The following COQ8A variants were observed in gnomAD, a reference collection of about 807,000 sequenced individuals.
The protein encoded by COQ8A is atypical kinase COQ8A, mitochondrial.
COQ8A carries 51 observed loss-of-function variants against 65.0 expected under a neutral mutation model. The ratio of observed to expected loss-of-function variants is 0.78; its 90% CI spans 0.63 to 0.99. COQ8A has a LOEUF of 0.99. Among genes scored for constraint, COQ8A ranks in the 50% least tolerant of loss-of-function variants. The pLI is 0.00. For synonymous variants in COQ8A, 371 were observed against 353.2 expected (o/e 1.05, Z -0.57); for missense variants, 940 against 875.0 (o/e 1.07, Z -0.94).
intron 2 of COQ8A, among the ~76,000 whole-genome samples, chr1:226,963,640 C>T (rs1658385244): frequency 6.6e-6 from 1 of 151,968 alleles, no homozygotes; most frequent in Non-Finnish European, 1.5e-5. Flanking sequence ...AGTCTTGCTC[C>T]ATTGCTCAGG....
chr1:226,984,258 G>T, intron 11 of COQ8A, 23 bp downstream of exon 11: 1 of 1,612,654 alleles, frequency 6.2e-7, no homozygotes, highest in Non-Finnish European at 8.5e-7. Flanking sequence ...CAGCAGACAG[G>T]TGGGGCCAGG....
At chr1:226,983,494 A>G (rs924860783) in intron 8 of COQ8A, 58 bp from the exon 9 acceptor site, 3 of 1,519,826 alleles carry the variant, frequency 2.0e-6, no homozygotes, top group East Asian at 2.3e-5. Flanking sequence ...GGAGTGCCCC[A>G]GGCAGGGCCC....
rs2297415 is a variant in COQ8A at position 226,985,202 on chromosome 1, G to A, written c.1573-52G>A. ...GTGGCACTTGGCTCCCTGGGATGTC[G>A]GGAGCTGAGCTTTTCATGCTGCCCA... On this transcript the variant is annotated intron_variant, in intron 13 of 14. Coordinates refer to ENST00000366777, the MANE Select transcript of COQ8A (RefSeq NM_020247.5). The A allele has an allele frequency of 0.42, 672,144 of 1,586,932 alleles. 149,276 individuals carry two copies. Among genetic ancestry groups the A allele is most frequent in the Non-Finnish European group, 0.47 (542,480 of 1,159,794 alleles).
intron 1 of COQ8A, among the ~76,000 whole-genome samples, chr1:226,950,991 G>A (rs1027041654): frequency 6.6e-6 from 1 of 152,210 alleles, no homozygotes; most frequent in Non-Finnish European, 1.5e-5. Context: ...AGAGGCTGTG[G>A]GTACAGACCT....
chr1:226,977,283 G>C lies in COQ8A; in HGVS notation c.656-166G>C, dbSNP rs1031969674. ...AGCCAAATGTTCTCTTAAAACAACA[G>C]GTGGCATCTCCCACCTTGTTCCCCA... On this transcript the variant is annotated intron_variant, in intron 4 of 14. Coordinates refer to ENST00000366777, the MANE Select transcript of COQ8A (RefSeq NM_020247.5). The C allele has an allele frequency of 9.7e-6, 6 of 618,504 alleles. No homozygotes were observed. The African/African-American group carries it at 1.1e-4, about 11-fold the overall frequency. 38.3% of individuals were successfully genotyped at this position (618,504 alleles called of 1,614,324 possible). A position where few individuals can be genotyped will look rare whatever the true frequency, so the allele number is the denominator to read the frequency against.
rs139794718 is a variant in COQ8A, at chr1:226,971,033, C to T, written c.655+5296C>T. Among the ~76,000 whole-genome samples, 1,488 of 152,046 alleles carry T rather than the reference C, an allele frequency of 9.8e-3. 24 individuals are homozygous for T. The highest frequency in any genetic ancestry group is 0.034 in the African/African-American group (1,407 of 41,490). On this transcript the variant is annotated intron_variant, in intron 4 of 14. Coordinates refer to ENST00000366777, the MANE Select transcript of COQ8A (RefSeq NM_020247.5). ...TCGACTCACTGCAACCTCTGCCTCCCGGGTTCAGGTGATTCTCCTGCCTCA... is the reference window on the plus strand; with the variant it reads ...TCGACTCACTGCAACCTCTGCCTCCTGGGTTCAGGTGATTCTCCTGCCTCA...
At position 226,946,565 on chromosome 1, in the gene COQ8A, G is replaced by A. The variant is rs966802584; in HGVS notation, c.-10+6166G>A. On this transcript the variant is annotated intron_variant, in intron 1 of 14. Transcript: ENST00000366777. The surrounding 1 kb of genome is among the most constrained non-coding windows in gnomAD (Gnocchi z 5.3). ...GGAGATGGCCACCTCTCCTGGGTCT[G>A]TGGTCCCCTTGCACCCTGCTGAGCC... is the stretch of plus-strand genomic sequence containing the variant. 6.6e-6 allele frequency among the ~76,000 whole-genome samples: 1 copy of A among 152,182 alleles called. No homozygotes were observed. The highest frequency in any genetic ancestry group is 2.4e-5 in the African/African-American group (1 of 41,438).
chr1:226,982,606 G>A, intron 6 of COQ8A, 72 bp from the exon 7 acceptor site: 1 of 1,517,708 alleles, frequency 6.6e-7, no homozygotes, highest in Non-Finnish European at 9.1e-7. Context: ...CATCCCAGGA[G>A]TGTGCCCGCC....
At chr1:226,980,428 T>C (rs1239084318) in intron 5 of COQ8A, among the ~76,000 whole-genome samples, 1 of 152,192 alleles carries the variant, frequency 6.6e-6, no homozygotes, top group Non-Finnish European at 1.5e-5. Context: ...AGACTGTCCC[T>C]CCTCTGGCCT....
intron 4 of COQ8A, among the ~76,000 whole-genome samples, chr1:226,976,462 G>A (rs1223153373): frequency 6.6e-6 from 1 of 152,110 alleles, no homozygotes; most frequent in Non-Finnish European, 1.5e-5. Flanking sequence ...TTGCCCGGGT[G>A]CGGGGTGCGG....
intron 1 of COQ8A, among the ~76,000 whole-genome samples, chr1:226,954,167 A>T (rs936706774): frequency 6.6e-6 from 1 of 152,232 alleles, no homozygotes; most frequent in African/African-American, 2.4e-5. Flanking sequence ...GAGCCTTTGG[A>T]GGTCTGCTCT....
At chr1:226,980,903 A>G (rs1042763112) in intron 5 of COQ8A, among the ~76,000 whole-genome samples, 6 of 152,174 alleles carry the variant, frequency 3.9e-5, no homozygotes, top group Admixed American at 1.3e-4. Context: ...TCCGGGGCAG[A>G]GGGCAGTGGC....
At chr1:226,960,567 G>GTGGTGGTGGTGGTGCT (rs1658181117) in intron 1 of COQ8A, among the ~76,000 whole-genome samples, 1 of 147,368 alleles carries the variant, frequency 6.8e-6, no homozygotes, top group Non-Finnish European at 1.5e-5. Context: ...ATGGTACTTG[G>GTGGTGGTGGTGGTGCT]TGGTGGTGGT....
In COQ8A at chr1:226,949,945, C is replaced by G. The variant is rs1411435050; in HGVS notation, c.-10+9546C>G. ...GAGTCATGATGTGAACCCAGATCACCTAACCTCAGAGCATCTTAACCATGT... is the reference window on the plus strand; with the variant it reads ...GAGTCATGATGTGAACCCAGATCACGTAACCTCAGAGCATCTTAACCATGT... On this transcript the variant is annotated intron_variant, in intron 1 of 14. Coordinates refer to ENST00000366777, the MANE Select transcript of COQ8A (RefSeq NM_020247.5). The surrounding 1 kb of genome is among the most constrained non-coding windows in gnomAD (Gnocchi z 4.0). Among the ~76,000 whole-genome samples the G allele has an allele frequency of 1.3e-5, 2 of 152,198 alleles. No individual in the cohort carries two copies. Among genetic ancestry groups the G allele is most frequent in the Non-Finnish European group, 2.9e-5 (2 of 68,032 alleles).
intron 2 of COQ8A, among the ~76,000 whole-genome samples, chr1:226,964,432 A>C (rs898554143): frequency 6.6e-6 from 1 of 151,866 alleles, no homozygotes; most frequent in South Asian, 2.1e-4. Context: ...CTGCCCCTCC[A>C]TTTCCCTGTA....
chr1:226,974,517 G>A (rs921696946), intron 4 of COQ8A, among the ~76,000 whole-genome samples: 1 of 152,250 alleles, frequency 6.6e-6, no homozygotes, highest in Non-Finnish European at 1.5e-5. Context: ...GACCCGGGGA[G>A]TGCCGGCTGA....
At chr1:226,945,647 T>C (rs2148001896) in intron 1 of COQ8A, among the ~76,000 whole-genome samples, 1 of 152,346 alleles carries the variant, frequency 6.6e-6, no homozygotes, top group South Asian at 2.1e-4. Flanking sequence ...GGGTTGGACA[T>C]TGTGCTGCCG....
intron 13 of COQ8A, 48 bp from the exon 14 acceptor site, chr1:226,985,206 G>A (rs780007236): frequency 1.3e-6 from 2 of 1,594,286 alleles, no homozygotes; most frequent in Non-Finnish European, 1.7e-6. Context: ...GATGTCGGGA[G>A]CTGAGCTTTT....
intron 9 of COQ8A, 31 bp from the exon 10 acceptor site, chr1:226,983,730 T>C: frequency 6.2e-7 from 1 of 1,612,918 alleles, no homozygotes; most frequent in Non-Finnish European, 8.5e-7. Context: ...CAGAGCCCCC[T>C]TCCTCGCTGA....
Sources: allele counts gnomAD v4.1 joint callset (sites outside exome capture counted in the v4.1 genomes callset), GRCh38; gene constraint gnomAD v4.1.1; non-coding constraint Gnocchi (gnomAD v3.1); transcripts MANE v1.5; gene names NCBI Gene and HGNC (gene_info 2026-07-23, HGNC 2026-07-21).